INTS4: variants seen among roughly 807,000 people sequenced by gnomAD.
The protein encoded by INTS4 is MSTP093.
INTS4 carries 70 observed loss-of-function variants against 119.5 expected under a neutral mutation model. The ratio of observed to expected loss-of-function variants is 0.59; its 90% confidence interval spans 0.48 to 0.71. The LOEUF (loss-of-function observed/expected upper bound fraction) is 0.71. INTS4 is among the 30% of genes least tolerant of loss of function. INTS4 has a pLI of 0.00. For missense variants in INTS4, 867 were observed against 1,173.2 expected, an observed-to-expected ratio of 0.74 and a Z score of 3.81; for synonymous variants, 316 against 419.6, an observed-to-expected ratio of 0.75 and a Z score of 3.02.
chr11:77,994,598 C>T lies in INTS4; in HGVS notation c.46G>A (p.Val16Met), dbSNP rs1372804724. 3.1e-6 allele frequency: 5 copies of T among 1,613,686 alleles called. No homozygotes were observed. Among genetic ancestry groups the T allele is most frequent in the Non-Finnish European group, 4.2e-6 (5 of 1,179,526 alleles). The change falls in exon 1 of 23, where the codon GTG (valine) becomes ATG (methionine). Residue 16 changes from valine (V) to methionine (M), a missense_variant. Physicochemically the swap from Val to Met is conservative, Grantham distance 21 (BLOSUM62 1). Coordinates refer to ENST00000534064, the MANE Select transcript of INTS4 (RefSeq NM_033547.4). ...TTCCCGCCAGAGCTTACCTGAACCA[C>T]TTTCGTGAATTCCTCATAAACCCGC... ...KKRVYEEFTKVVQPQEEIATK... is the reference protein window; with the variant it reads ...KKRVYEEFTKMVQPQEEIATK...
intron 10 of INTS4, among the ~76,000 whole-genome samples, chr11:77,938,002 C>T (rs1953842651): frequency 6.6e-6 from 1 of 152,018 alleles, no homozygotes; most frequent in African/African-American, 2.4e-5. Flanking sequence ...TGTATGCCAC[C>T]ATACCAGCTA....
At chr11:77,885,979 T>C (rs1300414595) in intron 21 of INTS4, among the ~76,000 whole-genome samples, 3 of 152,046 alleles carry the variant, frequency 2.0e-5, no homozygotes, top group Admixed American at 6.6e-5. Flanking sequence ...GGCGGGAGGA[T>C]TGCTTGAAGA....
At chr11:77,941,563 A>C (rs1953930525) in intron 8 of INTS4, among the ~76,000 whole-genome samples, 1 of 151,666 alleles carries the variant, frequency 6.6e-6, no homozygotes, top group African/African-American at 2.4e-5. Context: ...ACCCAGGTTC[A>C]AGCAATTCTC....
intron 10 of INTS4, among the ~76,000 whole-genome samples, chr11:77,936,119 G>C (rs1471703604): frequency 6.6e-6 from 1 of 151,712 alleles, no homozygotes; most frequent in African/African-American, 2.4e-5. Context: ...ATAATGTCTG[G>C]CATCCAATTA....
intron 21 of INTS4, among the ~76,000 whole-genome samples, chr11:77,887,466 T>C (rs1438743134): frequency 6.6e-6 from 1 of 152,120 alleles, no homozygotes; most frequent in Non-Finnish European, 1.5e-5. Flanking sequence ...GCCAATATCA[T>C]ACTGAATGGG....
At chr11:77,912,465 T>C (rs1953111497) in intron 15 of INTS4, among the ~76,000 whole-genome samples, 4 of 152,144 alleles carry the variant, frequency 2.6e-5, no homozygotes, top group Admixed American at 2.6e-4. Context: ...TAGCAATCTA[T>C]ATGATGCCAC....
chr11:77,907,764 C>A lies in INTS4; in HGVS notation c.1969G>T (p.Ala657Ser), dbSNP rs779397386. The A allele has an allele frequency of 3.1e-6, 5 of 1,613,916 alleles. No individual in the cohort carries two copies. Among genetic ancestry groups the A allele is most frequent in the Non-Finnish European group, 4.2e-6 (5 of 1,179,884 alleles). The part of the protein sequence containing the change: ...GELQSELAGV[A>S]DFSATYLRCQ... ...CGAAGATAGGTGGCAGAGAAATCAG[C>A]TACTCCTGCCAATTCAGATTGAAGT... Residue 657 changes from alanine (A) to serine (S), a missense_variant, in exon 16 of 23, where the codon GCT (alanine) becomes TCT (serine). By Grantham distance (99) the Ala-to-Ser change is moderately conservative (BLOSUM62 1). Transcript: ENST00000534064.
intron 16 of INTS4, among the ~76,000 whole-genome samples, chr11:77,906,961 T>C (rs1952970521): frequency 6.6e-6 from 1 of 152,248 alleles, no homozygotes; most frequent in African/African-American, 2.4e-5. Flanking sequence ...CAAAACTAAA[T>C]AGATTCTTGG....
At chr11:77,936,685 A>G (rs1953799358) in intron 10 of INTS4, among the ~76,000 whole-genome samples, 1 of 152,232 alleles carries the variant, frequency 6.6e-6, no homozygotes, top group South Asian at 2.1e-4. Flanking sequence ...ACATCAGATT[A>G]TATCTTGCAA....
intron 7 of INTS4, among the ~76,000 whole-genome samples, chr11:77,957,857 C>T (rs960393020): frequency 1.3e-5 from 2 of 151,516 alleles, no homozygotes; most frequent in African/African-American, 4.8e-5. Flanking sequence ...TTAGTAGAGA[C>T]GAGGTTTCAC....
chr11:77,896,582 G>GT (rs1339596904), intron 18 of INTS4, among the ~76,000 whole-genome samples: 3 of 151,404 alleles, frequency 2.0e-5, no homozygotes, highest in Non-Finnish European at 4.4e-5. Context: ...AACCCGGGAG[G>GT]TGGAGGTTGT....
At chr11:77,912,404 T>G in intron 15 of INTS4, among the ~76,000 whole-genome samples, 1 of 152,002 alleles carries the variant, frequency 6.6e-6, no homozygotes, top group African/African-American at 2.4e-5. Context: ...GCCACTTTTC[T>G]TTAGATGCTA....
intron 4 of INTS4, among the ~76,000 whole-genome samples, chr11:77,974,836 A>G (rs1296095388): frequency 6.6e-6 from 1 of 152,112 alleles, no homozygotes; most frequent in African/African-American, 2.4e-5. Flanking sequence ...CCTGGGCTCA[A>G]GTGATCCTCC....
At chr11:77,961,888 A>C (rs1371561343) in intron 4 of INTS4, among the ~76,000 whole-genome samples, 1 of 152,232 alleles carries the variant, frequency 6.6e-6, no homozygotes, top group East Asian at 1.9e-4. Flanking sequence ...AGTTATTTCC[A>C]GTCTTTGGCT....
downstream of INTS4, among the ~76,000 whole-genome samples, chr11:77,878,333 G>C (rs1590988329): frequency 1.3e-5 from 2 of 150,946 alleles, no homozygotes; most frequent in South Asian, 4.2e-4. Context: ...CTGCACTCCA[G>C]CCTGAGCGAC....
At chr11:77,920,987 AT>A (rs1412001243) in intron 14 of INTS4, among the ~76,000 whole-genome samples, 1 of 151,956 alleles carries the variant, frequency 6.6e-6, no homozygotes, top group South Asian at 2.1e-4. Flanking sequence ...ACCAAAAAAA[AT>A]GAATCATCTT....
Position 77,910,865 on chromosome 11 carries a change from G to A in INTS4, c.1923-3055C>T, listed in dbSNP as rs376941537. The A allele has an allele frequency of 2.4e-3, 1,112 of 456,606 alleles. 11 individuals carry two copies. The highest frequency in any genetic ancestry group is 0.02 in the African/African-American group (977 of 48,968). 28.3% of individuals were successfully genotyped at this position (456,606 alleles called of 1,614,324 possible). A position where few individuals can be genotyped will look rare whatever the true frequency, so the allele number is the denominator to read the frequency against. ...TTTTAGGGGAGGAATGTGAGTGTGT[G>A]TGTGTTTGTGTATTACCTAACCATC... On this transcript the variant is annotated intron_variant, in intron 15 of 22. Transcript: ENST00000534064.
intron 4 of INTS4, among the ~76,000 whole-genome samples, chr11:77,966,787 T>C (rs1195230993): frequency 6.6e-6 from 1 of 152,230 alleles, no homozygotes. Flanking sequence ...ATACAAACTT[T>C]AAAGATTTTT....
chr11:77,969,986 G>A (rs1855656959), intron 4 of INTS4, among the ~76,000 whole-genome samples: 1 of 152,062 alleles, frequency 6.6e-6, no homozygotes, highest in East Asian at 1.9e-4. Flanking sequence ...AGAGTGTATT[G>A]GTATTTTATT....
Sources: gnomAD v4.1 joint callset for allele counts (sites outside exome capture counted in the v4.1 genomes callset) on GRCh38, gnomAD v4.1.1 for gene constraint, MANE v1.5 for transcripts, NCBI Gene and HGNC (gene_info 2026-07-23, HGNC 2026-07-21) for gene names.